CADM2: variants seen among roughly 807,000 people sequenced by gnomAD.
CADM2 encodes the protein cell adhesion molecule 2.
In CADM2, 12 loss-of-function variants were observed where a neutral mutation model predicts 49.8. The observed-to-expected ratio is 0.24, with a 90% confidence interval of 0.15 to 0.39. CADM2 has a LOEUF of 0.39. Ranked by LOEUF, CADM2 falls within the 10% of genes least tolerant of loss-of-function variation. The pLI is 1.00. For missense variants in CADM2, 378 were observed against 492.3 expected, an observed-to-expected ratio of 0.77 and a Z score of 2.20; for synonymous variants, 214 against 175.4, an observed-to-expected ratio of 1.22 and a Z score of -1.74.
intron 7 of CADM2, among the ~76,000 whole-genome samples, chr3:85,959,150 A>ATCTC (rs71128104): frequency 0.08 from 11,607 of 145,242 alleles, 723 homozygotes; most frequent in South Asian, 0.18. Flanking sequence ...TTATCTATCT[A>ATCTC]TCTCTCTCTC....
chr3:85,601,164 A>G (rs2063389454), intron 1 of CADM2, among the ~76,000 whole-genome samples: 1 of 117,476 alleles, frequency 8.5e-6, no homozygotes, highest in Admixed American at 9.2e-5. Flanking sequence ...ATATATATAT[A>G]TATATATATA....
intron 8 of CADM2, among the ~76,000 whole-genome samples, chr3:86,061,847 T>C (rs1408496576): frequency 6.6e-6 from 1 of 152,166 alleles, no homozygotes; most frequent in Non-Finnish European, 1.5e-5. Flanking sequence ...GACATTATTA[T>C]GTTAACCTGT....
chr3:85,524,048 C>T (rs1414825362), intron 1 of CADM2, among the ~76,000 whole-genome samples: 1 of 152,086 alleles, frequency 6.6e-6, no homozygotes, highest in Non-Finnish European at 1.5e-5. Flanking sequence ...AATCATCAAA[C>T]ACTGTGAAGA....
intron 1 of CADM2, among the ~76,000 whole-genome samples, chr3:85,378,824 A>G (rs995058973): frequency 2.0e-5 from 3 of 151,994 alleles, no homozygotes; most frequent in African/African-American, 7.2e-5. Flanking sequence ...ATCACCATTA[A>G]AAAACTTATC....
At chr3:85,879,887 G>T (rs745559581) in intron 3 of CADM2, among the ~76,000 whole-genome samples, 14 of 152,152 alleles carry the variant, frequency 9.2e-5, no homozygotes, top group Non-Finnish European at 1.5e-4. Flanking sequence ...TTTAGTTCTA[G>T]ACAATGTTGT....
chr3:85,917,756 G>A (rs1056341268), intron 6 of CADM2, among the ~76,000 whole-genome samples: 1 of 152,086 alleles, frequency 6.6e-6, no homozygotes, highest in Non-Finnish European at 1.5e-5. Flanking sequence ...AATTACCTTG[G>A]GCAGTATGGC....
intron 8 of CADM2, among the ~76,000 whole-genome samples, chr3:86,023,681 G>A (rs1456574193): frequency 6.6e-6 from 1 of 152,084 alleles, no homozygotes; most frequent in Non-Finnish European, 1.5e-5. Context: ...ACCTTTGGGA[G>A]AAGGATACGT....
chr3:85,077,938 T>A (rs541538886), intron 1 of CADM2, among the ~76,000 whole-genome samples: 32 of 152,222 alleles, frequency 2.1e-4, no homozygotes, highest in African/African-American at 6.0e-4. Context: ...TTTGGCATCA[T>A]GTTTGGTTGG....
At chr3:85,107,189 T>G (rs2038260567) in intron 1 of CADM2, among the ~76,000 whole-genome samples, 1 of 152,140 alleles carries the variant, frequency 6.6e-6, no homozygotes, top group Non-Finnish European at 1.5e-5. Flanking sequence ...TAAATAAATT[T>G]ATGGAATATA....
At chr3:85,662,143 G>A (rs1428839282) in intron 1 of CADM2, among the ~76,000 whole-genome samples, 2 of 151,488 alleles carry the variant, frequency 1.3e-5, no homozygotes, top group Admixed American at 6.6e-5. Flanking sequence ...ACAATGCTTT[G>A]ATGGAAGGAT....
intron 5 of CADM2, among the ~76,000 whole-genome samples, chr3:85,910,142 C>A (rs1717392148): frequency 6.6e-6 from 1 of 152,024 alleles, no homozygotes; most frequent in African/African-American, 2.4e-5. Context: ...AGGGAAACAG[C>A]TAAAAGAAGC....
At chr3:85,989,088 A>G (rs1728461276) in intron 8 of CADM2, among the ~76,000 whole-genome samples, 3 of 152,174 alleles carry the variant, frequency 2.0e-5, no homozygotes, top group Admixed American at 2.0e-4. Context: ...ATCTTTTAAA[A>G]ATATTAATTT....
chr3:84,984,385 A>C (rs1244890978), intron 1 of CADM2, among the ~76,000 whole-genome samples: 2 of 128,160 alleles, frequency 1.6e-5, no homozygotes, highest in African/African-American at 5.6e-5. Context: ...AAAAAAAAAA[A>C]CACTTGAGGC....
At chr3:85,058,558 C>T (rs1488253002) in intron 1 of CADM2, among the ~76,000 whole-genome samples, 2 of 152,110 alleles carry the variant, frequency 1.3e-5, no homozygotes, top group African/African-American at 4.8e-5. Context: ...GATTCTCCTG[C>T]CTCAGCCTAC....
At chr3:85,555,350 CTG>C (rs1286226735) in intron 1 of CADM2, among the ~76,000 whole-genome samples, 4 of 152,108 alleles carry the variant, frequency 2.6e-5, no homozygotes, top group Non-Finnish European at 4.4e-5. Context: ...TGCAAAGTAA[CTG>C]TTTTTACACA....
chr3:85,436,746 G>T (rs953177084), intron 1 of CADM2, among the ~76,000 whole-genome samples: 1 of 152,110 alleles, frequency 6.6e-6, no homozygotes, highest in Non-Finnish European at 1.5e-5. Flanking sequence ...AAAGTGCTAA[G>T]ATTTCCCGTG....
intron 1 of CADM2, among the ~76,000 whole-genome samples, chr3:85,455,750 T>C (rs1250005205): frequency 6.6e-6 from 1 of 152,136 alleles, no homozygotes; most frequent in Non-Finnish European, 1.5e-5. Context: ...CTTTTAAGTG[T>C]TGGACAAAAG....
intron 8 of CADM2, among the ~76,000 whole-genome samples, chr3:85,996,445 A>G (rs1279226756): frequency 6.6e-6 from 1 of 151,766 alleles, no homozygotes; most frequent in Non-Finnish European, 1.5e-5. Context: ...CTACAGGCGC[A>G]TGCTACCTAG....
intron 3 of CADM2, among the ~76,000 whole-genome samples, chr3:85,843,201 A>C (rs933330534): frequency 1.3e-4 from 20 of 152,256 alleles, no homozygotes; most frequent in Admixed American, 7.9e-4. Flanking sequence ...TTTTGAGATT[A>C]TATTTAGAAT....
Sources: allele counts gnomAD v4.1 joint callset (sites outside exome capture counted in the v4.1 genomes callset), GRCh38; gene constraint gnomAD v4.1.1; transcripts MANE v1.5; gene names NCBI Gene and HGNC (gene_info 2026-07-23, HGNC 2026-07-21).